Variants in FAM227B observed in about 807,000 individuals in gnomAD.
FAM227B encodes family with sequence similarity 227 member B.
Under a neutral mutation model 73.8 loss-of-function variants are expected in FAM227B, and 88 were observed. That is an observed-to-expected ratio of 1.19 (90% confidence interval 1.00 to 1.42). The LOEUF (loss-of-function observed/expected upper bound fraction) is 1.42. Among genes scored for constraint, FAM227B ranks in the 40% most tolerant of loss-of-function variants. The probability of loss-of-function intolerance (pLI) is 0.00; values close to 1 mark genes in which losing one functional copy is unlikely to be tolerated. For synonymous variants in FAM227B, 210 were observed against 190.5 expected (o/e 1.10, Z -0.84); for missense variants, 632 against 590.9 (o/e 1.07, Z -0.72).
intron 13 of FAM227B, chr15:49,365,465 T>C (rs766787242): frequency 2.3e-6 from 2 of 878,744 alleles, no homozygotes; most frequent in Non-Finnish European, 3.9e-6. Context: ...AAGCCCAATA[T>C]TGAAACAGGC....
intron 10 of FAM227B, among the ~76,000 whole-genome samples, chr15:49,534,219 G>A (rs1597971094): frequency 6.6e-6 from 1 of 151,776 alleles, no homozygotes; most frequent in Admixed American, 6.6e-5. Context: ...TGCAGGTAGA[G>A]CCCAAATGAT....
At chr15:49,528,320 T>C (rs1037724686) in intron 10 of FAM227B, among the ~76,000 whole-genome samples, 9 of 151,840 alleles carry the variant, frequency 5.9e-5, no homozygotes, top group African/African-American at 1.2e-4. Context: ...ACTGGACCCC[T>C]ATCTCTCATC....
At chr15:49,336,077 G>A (rs549340074) in intron 13 of FAM227B, among the ~76,000 whole-genome samples, 11 of 152,214 alleles carry the variant, frequency 7.2e-5, no homozygotes, top group East Asian at 3.9e-4. Context: ...CAAAGTATTG[G>A]GATTACAGGT....
chr15:49,517,625 G>A (rs762282871), intron 10 of FAM227B, among the ~76,000 whole-genome samples: 2 of 152,126 alleles, frequency 1.3e-5, no homozygotes, highest in Non-Finnish European at 2.9e-5. Context: ...ATAAATCATA[G>A]AGGCTTTACT....
intron 10 of FAM227B, among the ~76,000 whole-genome samples, chr15:49,521,385 C>A (rs190734349): frequency 6.6e-6 from 1 of 152,292 alleles, no homozygotes; most frequent in East Asian, 1.9e-4. Context: ...CTGAAAGGGG[C>A]AATGTTGTTC....
At chr15:49,334,136 C>A in intron 14 of FAM227B, 1 of 407,186 alleles carries the variant, frequency 2.5e-6, no homozygotes, top group Non-Finnish European at 3.3e-6. Flanking sequence ...AACTAGAAAA[C>A]TTTTGCAGTT....
At chr15:49,497,052 G>C (rs1263986248) in intron 11 of FAM227B, among the ~76,000 whole-genome samples, 1 of 152,052 alleles carries the variant, frequency 6.6e-6, no homozygotes, top group Non-Finnish European at 1.5e-5. Context: ...CACTTTGGAA[G>C]ATTATTCAGC....
chr15:49,386,914 T>C (rs1048307963), intron 11 of FAM227B, among the ~76,000 whole-genome samples: 19 of 151,874 alleles, frequency 1.3e-4, no homozygotes, highest in Admixed American at 6.6e-5. Context: ...ATGGATGAAT[T>C]CCTGGAAACA....
intron 10 of FAM227B, among the ~76,000 whole-genome samples, chr15:49,526,715 T>C (rs1182789632): frequency 6.6e-6 from 1 of 151,984 alleles, no homozygotes; most frequent in Non-Finnish European, 1.5e-5. Flanking sequence ...TAAAACTGAC[T>C]TACCACTGAT....
intron 15 of FAM227B, 197 bp downstream of exon 15, chr15:49,331,583 T>A: frequency 2.0e-6 from 1 of 499,864 alleles, no homozygotes; most frequent in Non-Finnish European, 3.5e-6. Flanking sequence ...AAATGGGGAA[T>A]GTGAACATGA....
chr15:49,365,375 T>C lies in FAM227B; in HGVS notation c.1271+2073A>G. 3.1e-6 allele frequency: 4 copies of C among 1,281,204 alleles called. No individual in the cohort carries two copies. The South Asian group carries it at 3.6e-5, about 12-fold the overall frequency. 79.4% of individuals were successfully genotyped at this position (1,281,204 alleles called of 1,614,324 possible). A position where few individuals can be genotyped will look rare whatever the true frequency, so the allele number is the denominator to read the frequency against. ...AGCATAGGCAACTGTAGAGGAAACA[T>C]AGTATATATACGAAGAACCAGTCTA... On this transcript the variant is annotated intron_variant, in intron 13 of 15. Transcript: ENST00000299338.
chr15:49,401,888 T>A (rs2048180696), intron 11 of FAM227B, among the ~76,000 whole-genome samples: 1 of 138,900 alleles, frequency 7.2e-6, no homozygotes, highest in African/African-American at 2.7e-5. Context: ...CATCGGGAGA[T>A]ATACCTAATG....
chr15:49,550,954 G>C (rs1156921364), intron 9 of FAM227B, among the ~76,000 whole-genome samples: 2 of 151,992 alleles, frequency 1.3e-5, no homozygotes, highest in South Asian at 4.2e-4. Flanking sequence ...AGGTTGTAGC[G>C]AGCCGAGATC....
chr15:49,484,426 A>G (rs1567369868), intron 11 of FAM227B: 1 of 1,593,006 alleles, frequency 6.3e-7, no homozygotes, highest in Non-Finnish European at 8.5e-7. Context: ...CCTTAAATCA[A>G]AAGGGGATTC....
At chr15:49,494,134 A>C (rs1265124853) in intron 11 of FAM227B, among the ~76,000 whole-genome samples, 1 of 151,950 alleles carries the variant, frequency 6.6e-6, no homozygotes, top group African/African-American at 2.4e-5. Context: ...GCACATGTAT[A>C]AGTTACCATT....
At chr15:49,549,127 G>A (rs2072404935) in intron 9 of FAM227B, among the ~76,000 whole-genome samples, 1 of 151,956 alleles carries the variant, frequency 6.6e-6, no homozygotes, top group African/African-American at 2.4e-5. Flanking sequence ...CTTTATTGAT[G>A]TAGGCACTTA....
At chr15:49,418,167 G>A (rs1334423264) in intron 11 of FAM227B, among the ~76,000 whole-genome samples, 1 of 152,094 alleles carries the variant, frequency 6.6e-6, no homozygotes, top group South Asian at 2.1e-4. Context: ...AAAAATAAAC[G>A]CTGGCAAGCT....
chr15:49,570,246 T>C (rs1598303426), intron 8 of FAM227B, among the ~76,000 whole-genome samples: 2 of 151,914 alleles, frequency 1.3e-5, no homozygotes, highest in East Asian at 1.9e-4. Flanking sequence ...ATATTTCCAA[T>C]CATATACAAG....
intron 13 of FAM227B, chr15:49,366,295 A>T (rs1567162081): frequency 1.3e-6 from 1 of 788,116 alleles, no homozygotes; most frequent in Non-Finnish European, 2.4e-6. Context: ...TCACATCAGG[A>T]AATTCAGATC....
Sources: gnomAD v4.1 joint callset for allele counts (sites outside exome capture counted in the v4.1 genomes callset) on GRCh38, gnomAD v4.1.1 for gene constraint, MANE v1.5 for transcripts, NCBI Gene and HGNC (gene_info 2026-07-23, HGNC 2026-07-21) for gene names.